Variants in GFPT1 observed in about 807,000 individuals in gnomAD.
The protein encoded by GFPT1 is glutamine--fructose-6-phosphate transaminase 1.
A neutral mutation model predicts 92.0 loss-of-function variants in GFPT1; 40 were observed. The observed-to-expected ratio is 0.43, with a 90% CI of 0.34 to 0.57. The LOEUF (loss-of-function observed/expected upper bound fraction) is 0.57, where lower values mean the gene tolerates loss of function less well. Among genes scored for constraint, GFPT1 ranks in the 20% least tolerant of loss-of-function variants. GFPT1 has a pLI of 0.02. For missense variants in GFPT1, 448 were observed against 869.1 expected, an observed-to-expected ratio of 0.52 and a Z score of 6.09; for synonymous variants, 269 against 280.6, an observed-to-expected ratio of 0.96 and a Z score of 0.41.
chr2:69,336,406 T>A (rs1210114121), intron 15 of GFPT1, among the ~76,000 whole-genome samples: 1 of 150,396 alleles, frequency 6.6e-6, no homozygotes, highest in Non-Finnish European at 1.5e-5. Flanking sequence ...ACAAACTTTC[T>A]ACAAAAAATT....
At chr2:69,351,823 G>A (rs1671213275) in intron 9 of GFPT1, among the ~76,000 whole-genome samples, 1 of 152,238 alleles carries the variant, frequency 6.6e-6, no homozygotes, top group African/African-American at 2.4e-5. Context: ...CTGGGAATGA[G>A]ACAAGGGTTG....
intron 17 of GFPT1, among the ~76,000 whole-genome samples, chr2:69,328,923 G>A (rs911735571): frequency 1.3e-5 from 2 of 151,990 alleles, no homozygotes; most frequent in African/African-American, 4.8e-5. Context: ...GGCTGGTCTC[G>A]AACTTCTGAC....
At chr2:69,338,113 T>A in intron 14 of GFPT1, 58 bp from the exon 15 acceptor site, 7 of 1,500,058 alleles carry the variant, frequency 4.7e-6, no homozygotes. Context: ...ATGCTGTTTC[T>A]TAGGAGCAAA....
chr2:69,384,096 A>G (rs747400976), intron 1 of GFPT1, among the ~76,000 whole-genome samples: 9 of 152,234 alleles, frequency 5.9e-5, no homozygotes, highest in Non-Finnish European at 1.3e-4. Flanking sequence ...AACTACCAAG[A>G]AAAAGGAAGA....
rs199998548 is a variant in GFPT1, at chr2:69,341,125, ATTT to A, written c.1203+1024_1203+1026del. 3.0e-3 allele frequency among the ~76,000 whole-genome samples: 441 copies of A among 145,230 alleles called. 6 individuals are homozygous for A. The highest frequency in any genetic ancestry group is 0.011 in the African/African-American group (422 of 39,954). ...AGGGAGTTGCCACCACACCCCGATA[ATTT>A]TTTTTTTTTGGTAGAGACGGGGTCT... On this transcript the variant is annotated intron_variant, in intron 13 of 19. Coordinates refer to ENST00000357308, the MANE Select transcript of GFPT1 (RefSeq NM_001244710.2).
intron 14 of GFPT1, among the ~76,000 whole-genome samples, 164 bp downstream of exon 14, chr2:69,338,281 A>C (rs1010776184): frequency 6.6e-6 from 1 of 152,208 alleles, no homozygotes; most frequent in African/African-American, 2.4e-5. Flanking sequence ...AAAGGTGTTC[A>C]TTTTTACTAA....
At chr2:69,377,499 A>T (rs1481266304) in intron 1 of GFPT1, among the ~76,000 whole-genome samples, 4 of 144,688 alleles carry the variant, frequency 2.8e-5, no homozygotes, top group East Asian at 4.0e-4. Flanking sequence ...AAATAAAAAT[A>T]AAAAAAAAAA....
chr2:69,369,966 G>C, intron 3 of GFPT1, 35 bp downstream of exon 3: 1 of 1,165,752 alleles, frequency 8.6e-7, no homozygotes, highest in Non-Finnish European at 1.3e-6. Flanking sequence ...GGAAGAGAAG[G>C]GGAAAGGGGA....
At chr2:69,378,525 A>T (rs750622000) in intron 1 of GFPT1, among the ~76,000 whole-genome samples, 1 of 152,232 alleles carries the variant, frequency 6.6e-6, no homozygotes, top group Non-Finnish European at 1.5e-5. Flanking sequence ...GCTTGAACCT[A>T]CAGGCATCAT....
intron 4 of GFPT1, among the ~76,000 whole-genome samples, chr2:69,362,900 G>C (rs1671510891): frequency 6.6e-6 from 1 of 152,112 alleles, no homozygotes; most frequent in East Asian, 1.9e-4. Flanking sequence ...CTAAAACACA[G>C]TAATTTGATT....
rs1257220215 is a variant in GFPT1, at chr2:69,387,092, C to T, written c.-21G>A. On this transcript the variant is annotated 5_prime_UTR_variant, in exon 1 of 20. Transcript: ENST00000357308. The stretch of plus-strand genomic sequence containing the variant: ...CACATGATGCCGGAGACACGGCCCG[C>T]GAGGCCAGGGGCGAGTGGCTGGCGG... The T allele has an allele frequency of 6.5e-7, 1 of 1,536,192 alleles. No individual in the cohort carries two copies. Among genetic ancestry groups the T allele is most frequent in the Admixed American group, 1.9e-5 (1 of 51,614 alleles).
At chr2:69,344,661 T>TA (rs1455260955) in intron 12 of GFPT1, among the ~76,000 whole-genome samples, 4 of 151,970 alleles carry the variant, frequency 2.6e-5, no homozygotes, top group Non-Finnish European at 4.4e-5. Flanking sequence ...TTTTTATTTT[T>TA]TTTTTTTGAG....
At chr2:69,384,136 T>C (rs912265275) in intron 1 of GFPT1, among the ~76,000 whole-genome samples, 1 of 152,168 alleles carries the variant, frequency 6.6e-6, no homozygotes, top group Non-Finnish European at 1.5e-5. Context: ...AGACACACTA[T>C]TCTTCTCTGG....
At position 69,325,917 on chromosome 2, in the gene GFPT1, A is replaced by C. The variant is rs1670519345; in HGVS notation, c.*272T>G. 2.6e-6 allele frequency: 1 copy of C among 378,240 alleles called. No individual in the cohort carries two copies. The highest frequency in any genetic ancestry group is 4.0e-5 in the South Asian group (1 of 24,770). 23.4% of individuals were successfully genotyped at this position (378,240 alleles called of 1,614,324 possible). ...TGGAGGGTCCAGAAATGCAACACCCAGCATTCTTTAAAGAAAATAATAGCT... is the reference window on the plus strand; with the variant it reads ...TGGAGGGTCCAGAAATGCAACACCCCGCATTCTTTAAAGAAAATAATAGCT... On this transcript the variant is annotated 3_prime_UTR_variant, in exon 20 of 20. Transcript: ENST00000357308.
chr2:69,382,800 T>C, intron 1 of GFPT1, among the ~76,000 whole-genome samples: 1 of 152,266 alleles, frequency 6.6e-6, no homozygotes, highest in East Asian at 1.9e-4. Context: ...TCCTGCCCCA[T>C]CACCCAGAAC....
intron 15 of GFPT1, among the ~76,000 whole-genome samples, chr2:69,337,049 C>A (rs1219319225): frequency 1.4e-5 from 2 of 147,578 alleles, no homozygotes; most frequent in African/African-American, 5.1e-5. Context: ...TTTTTAATTG[C>A]CAAATTTTAA....
chr2:69,375,062 T>C (rs570394463), intron 1 of GFPT1, among the ~76,000 whole-genome samples: 135 of 152,262 alleles, frequency 8.9e-4, no homozygotes, highest in Middle Eastern at 3.4e-3. Context: ...CAATGTGAAC[T>C]GAACGGGATA....
chr2:69,365,510 G>A (rs376246108), intron 3 of GFPT1, among the ~76,000 whole-genome samples: 27 of 152,152 alleles, frequency 1.8e-4, no homozygotes, highest in African/African-American at 6.0e-4. Context: ...AACCACAATG[G>A]TATATTCTAT....
At chr2:69,326,804 T>A (rs184659023) in intron 19 of GFPT1, 110 bp downstream of exon 19, 1 of 1,027,560 alleles carries the variant, frequency 9.7e-7, no homozygotes, top group Non-Finnish European at 1.5e-6. Context: ...GTGACAGATA[T>A]ATATTTGATA....
Sources: gnomAD v4.1 joint callset for allele counts (sites outside exome capture counted in the v4.1 genomes callset) on GRCh38, gnomAD v4.1.1 for gene constraint, MANE v1.5 for transcripts, NCBI Gene and HGNC (gene_info 2026-07-23, HGNC 2026-07-21) for gene names.